The following EPB41L5 variants were observed in gnomAD, a reference collection of about 807,000 sequenced individuals.
The protein encoded by EPB41L5 is erythrocyte membrane protein band 4.1 like 5.
EPB41L5 carries 55 observed loss-of-function variants against 106.6 expected under a neutral mutation model. The observed-to-expected ratio is 0.52, with a 90% CI of 0.42 to 0.65. EPB41L5 has a LOEUF of 0.65. EPB41L5 is among the 30% of genes least tolerant of loss of function. The pLI is 0.00. For missense variants in EPB41L5, 871 were observed against 882.1 expected, an observed-to-expected ratio of 0.99 and a Z score of 0.16; for synonymous variants, 297 against 306.7, an observed-to-expected ratio of 0.97 and a Z score of 0.33.
intron 2 of EPB41L5, among the ~76,000 whole-genome samples, chr2:120,033,681 C>G (rs1214271643): frequency 6.9e-6 from 1 of 144,362 alleles, no homozygotes; most frequent in African/African-American, 2.6e-5. Flanking sequence ...GCACTCCAGC[C>G]CAGGCAACAA....
At chr2:120,163,651 T>A (rs763424339) in intron 21 of EPB41L5, among the ~76,000 whole-genome samples, 2 of 150,858 alleles carry the variant, frequency 1.3e-5, no homozygotes, top group Non-Finnish European at 2.9e-5. Flanking sequence ...AGTACCATTC[T>A]CATCTAGTCT....
intron 3 of EPB41L5, among the ~76,000 whole-genome samples, chr2:120,069,417 C>T (rs1472397942): frequency 1.3e-5 from 2 of 152,040 alleles, no homozygotes; most frequent in Non-Finnish European, 2.9e-5. Flanking sequence ...ATCAATGAGA[C>T]AGAAAATTGA....
chr2:120,072,622 C>A (rs1256518273), intron 3 of EPB41L5, among the ~76,000 whole-genome samples: 1 of 152,160 alleles, frequency 6.6e-6, no homozygotes, highest in African/African-American at 2.4e-5. Context: ...GAGTTCATGT[C>A]CTTTGCAGGG....
chr2:120,071,238 A>G (rs1023570708), intron 3 of EPB41L5, among the ~76,000 whole-genome samples: 2 of 152,194 alleles, frequency 1.3e-5, no homozygotes, highest in Non-Finnish European at 2.9e-5. Flanking sequence ...CAATTGCTAC[A>G]AAGAGAATAA....
Position 120,174,864 on chromosome 2 carries a change from A to C in EPB41L5, c.2159A>C (p.Glu720Ala), listed in dbSNP as rs764271104. The C allele has an allele frequency of 2.5e-6, 4 of 1,614,154 alleles. No homozygotes were observed. The highest frequency in any genetic ancestry group is 4.5e-5 in the East Asian group (2 of 44,878). Residue 720 changes from glutamate (E) to alanine (A), a missense_variant, in exon 25 of 25, where the codon GAA becomes GCA. Coordinates refer to ENST00000263713, the MANE Select transcript of EPB41L5 (RefSeq NM_020909.4). ...VTSSGPILAEEAVLKQKCLLT... is the reference protein window; with the variant it reads ...VTSSGPILAEAAVLKQKCLLT... The stretch of plus-strand genomic sequence containing the variant: ...AGCTCTGGTCCCATTTTGGCAGAAG[A>C]AGCTGTCCTGAAGCAGAAGTGTTTA...
chr2:120,167,326 T>C, intron 22 of EPB41L5, 140 bp from the exon 23 acceptor site: 2 of 645,698 alleles, frequency 3.1e-6, no homozygotes, highest in African/African-American at 1.8e-5. Context: ...TAGAAGTCCA[T>C]GTCAGCTCAA....
intron 3 of EPB41L5, among the ~76,000 whole-genome samples, chr2:120,047,203 C>A (rs1036120284): frequency 6.6e-6 from 1 of 152,118 alleles, no homozygotes; most frequent in Non-Finnish European, 1.5e-5. Flanking sequence ...TGAAGAAAGT[C>A]ATTGTTAGCT....
chr2:120,027,065 G>A (rs1347016980), intron 2 of EPB41L5, among the ~76,000 whole-genome samples: 1 of 152,208 alleles, frequency 6.6e-6, no homozygotes, highest in Non-Finnish European at 1.5e-5. Context: ...TTAAGTGTTG[G>A]TAAGGATATG....
chr2:120,155,521 A>T (rs1686863028), intron 20 of EPB41L5, among the ~76,000 whole-genome samples: 1 of 152,126 alleles, frequency 6.6e-6, no homozygotes, highest in Non-Finnish European at 1.5e-5. Context: ...AGCTTCTTAG[A>T]TGTGTAGATT....
At chr2:120,021,267 G>T (rs1237055950) in intron 2 of EPB41L5, among the ~76,000 whole-genome samples, 1 of 152,058 alleles carries the variant, frequency 6.6e-6, no homozygotes, top group Non-Finnish European at 1.5e-5. Flanking sequence ...TTGAACCTGG[G>T]AGGTGGAGAT....
intron 16 of EPB41L5, chr2:120,101,477 ATTAT>A (rs1461190793): frequency 6.6e-6 from 1 of 151,870 alleles, no homozygotes; most frequent in African/African-American, 2.4e-5. Context: ...CTCCTTGGGG[ATTAT>A]TTGATTCAGT....
chr2:120,165,582 G>A (rs940405546), intron 22 of EPB41L5, among the ~76,000 whole-genome samples: 3 of 152,002 alleles, frequency 2.0e-5, no homozygotes, highest in African/African-American at 4.8e-5. Flanking sequence ...AAATATTTTC[G>A]ATTTACAGTT....
intron 16 of EPB41L5, among the ~76,000 whole-genome samples, chr2:120,125,586 T>G (rs1377162745): frequency 6.6e-6 from 1 of 152,208 alleles, no homozygotes; most frequent in Non-Finnish European, 1.5e-5. Context: ...AGAGGTTCTT[T>G]TAGAGCCTCC....
chr2:120,074,244 G>T lies in EPB41L5; in HGVS notation c.407+66G>T, dbSNP rs1012603218. On this transcript the variant is annotated intron_variant, in intron 5 of 24. Transcript: ENST00000263713. ...AGTTTTGAAAGACTGTCTTTATATT[G>T]TTTCCAATTTATAGCCAGCTAATAA... The T allele has an allele frequency of 3.5e-5, 44 of 1,239,904 alleles. No individual in the cohort carries two copies. The Admixed American group carries it at 9.2e-4, about 26-fold the overall frequency. 76.8% of individuals were successfully genotyped at this position (1,239,904 alleles called of 1,614,324 possible). A position where few individuals can be genotyped will look rare whatever the true frequency, so the allele number is the denominator to read the frequency against.
At chr2:120,072,292 T>C (rs1290904076) in intron 3 of EPB41L5, among the ~76,000 whole-genome samples, 2 of 152,188 alleles carry the variant, frequency 1.3e-5, no homozygotes, top group African/African-American at 4.8e-5. Flanking sequence ...CAACAGGTGC[T>C]GGAGAGGATG....
At chr2:120,165,984 A>AC (rs1472729657) in intron 22 of EPB41L5, among the ~76,000 whole-genome samples, 1 of 150,200 alleles carries the variant, frequency 6.7e-6, no homozygotes, top group Non-Finnish European at 1.5e-5. Flanking sequence ...AAAAAAAAAA[A>AC]AAAAAAAAAA....
intron 3 of EPB41L5, among the ~76,000 whole-genome samples, chr2:120,044,988 C>T (rs1679664096): frequency 6.6e-6 from 1 of 152,204 alleles, no homozygotes. Context: ...TTCCATGAGT[C>T]TCATGACATA....
intron 3 of EPB41L5, among the ~76,000 whole-genome samples, chr2:120,065,544 G>T (rs1388074572): frequency 7.3e-6 from 1 of 136,422 alleles, no homozygotes; most frequent in Non-Finnish European, 1.5e-5. Flanking sequence ...ATGGAGTCTC[G>T]CTCACTCTGT....
At chr2:120,164,054 C>T (rs192355707) in intron 21 of EPB41L5, among the ~76,000 whole-genome samples, 1,759 of 127,588 alleles carry the variant, frequency 0.014, 42 homozygotes, top group African/African-American at 0.048. Flanking sequence ...GCGATCTCGG[C>T]TCACTGCAAC....
Sources: gnomAD v4.1 joint callset for allele counts (sites outside exome capture counted in the v4.1 genomes callset) on GRCh38, gnomAD v4.1.1 for gene constraint, MANE v1.5 for transcripts, NCBI Gene and HGNC (gene_info 2026-07-23, HGNC 2026-07-21) for gene names.